Variants in PRDM1 observed in about 807,000 individuals in gnomAD.
PRDM1 encodes PR/SET domain 1.
A neutral mutation model predicts 62.8 loss-of-function variants in PRDM1; 13 were observed. That is an observed-to-expected ratio of 0.21 (90% CI 0.13 to 0.33). PRDM1 has a LOEUF of 0.33. Ranked by LOEUF, PRDM1 falls within the 10% of genes least tolerant of loss-of-function variation. The pLI, the probability that PRDM1 is intolerant of heterozygous loss-of-function variation, is 1.00. For synonymous variants in PRDM1, 396 were observed against 417.6 expected (o/e 0.95, Z 0.63); for missense variants, 895 against 1,058.8 (o/e 0.85, Z 2.15).
upstream of PRDM1, among the ~76,000 whole-genome samples, chr6:106,083,108 G>T (rs1353566882): frequency 6.6e-6 from 1 of 151,720 alleles, no homozygotes; most frequent in Non-Finnish European, 1.5e-5. Flanking sequence ...ATGTGGGAGG[G>T]CTTCAAAGCC....
chr6:106,051,332 A>G lies in PRDM1; in HGVS notation c.-67+2618A>G, dbSNP rs140154699. On this transcript the variant is annotated intron_variant, in intron 1 of 6. Coordinates refer to the PRDM1 transcript ENST00000651185. ...AGTGGGCTAGGTCTTCTGCCCCCGC[A>G]GACCCAGTCTTAGGGACTAAGCTTG... 4.6e-5 allele frequency among the ~76,000 whole-genome samples: 7 copies of G among 152,334 alleles called. No individual in the cohort carries two copies. The East Asian group carries it at 1.4e-3, about 29-fold the overall frequency.
rs1351129400 is a variant in PRDM1 at position 106,088,249 on chromosome 6, G to A, written c.91G>A (p.Glu31Lys). Reference sequence around the variant, plus strand: ...CACTGTGAGGTTTCAGGGATTGGCAGAGGGGACCAAGGGGACCATGAAAAT... The same window carrying A: ...CACTGTGAGGTTTCAGGGATTGGCAAAGGGGACCAAGGGGACCATGAAAAT... Reference protein sequence around the residue: ...SSTVRFQGLAEGTKGTMKMDM... With the variant: ...SSTVRFQGLAKGTKGTMKMDM... Residue 31 changes from glutamate to lysine, a missense_variant, in exon 2 of 7, where the codon GAG becomes AAG. This residue lies in a region of PRDM1 where 213 missense variants were observed against 283.9 expected (regional missense o/e 0.75). Transcript: ENST00000369096. 2 of 1,614,098 alleles carry A rather than the reference G, an allele frequency of 1.2e-6. No homozygotes were observed. The highest frequency in any genetic ancestry group is 1.7e-6 in the Non-Finnish European group (2 of 1,179,994).
chr6:106,080,202 T>A (rs1773672538), intron 1 of PRDM1, among the ~76,000 whole-genome samples: 1 of 152,192 alleles, frequency 6.6e-6, no homozygotes, highest in Non-Finnish European at 1.5e-5. Context: ...AGGCATGCAC[T>A]CCCCACACAT....
intron 1 of PRDM1, among the ~76,000 whole-genome samples, chr6:106,077,913 G>C (rs945376646): frequency 1.3e-5 from 2 of 152,238 alleles, no homozygotes; most frequent in Admixed American, 1.3e-4. Context: ...GGAGGAGAAG[G>C]CTTTGGGAGA....
intron 1 of PRDM1, among the ~76,000 whole-genome samples, chr6:106,054,342 A>G (rs1187032590): frequency 6.6e-6 from 1 of 151,766 alleles, no homozygotes; most frequent in Non-Finnish European, 1.5e-5. Flanking sequence ...TTTTGTGTGT[A>G]TACCTGGTGT....
chr6:106,009,879 G>A (rs1431849111), intron 1 of PRDM1, among the ~76,000 whole-genome samples: 3 of 152,056 alleles, frequency 2.0e-5, no homozygotes, highest in African/African-American at 4.8e-5. Flanking sequence ...CACCACGCCC[G>A]GCTAGTTTTT....
In PRDM1 at chr6:106,099,453, C is replaced by T. The variant is rs1339462545; in HGVS notation, c.565C>T (p.Pro189Ser). 1.2e-6 allele frequency: 2 copies of T among 1,614,092 alleles called. No individual in the cohort carries two copies. The highest frequency in any genetic ancestry group is 1.7e-6 in the Non-Finnish European group (2 of 1,180,044). ...GAACATCTACTTCTACACCATTAAG[C>T]CCATCCCTGCCAACCAGGAACTTCT... ...GMNIYFYTIKPIPANQELLVW... is the reference protein window; with the variant it reads ...GMNIYFYTIKSIPANQELLVW... The change falls in exon 4 of 7, where the codon CCC becomes TCC. Residue 189 changes from proline to serine, a missense_variant. Around this residue, in one of 4 missense-constraint regions of PRDM1, gnomAD observed 213 missense variants for 283.9 expected, o/e 0.75. Coordinates refer to ENST00000369096, the MANE Select transcript of PRDM1 (RefSeq NM_001198.4).
At chr6:106,070,239 C>A (rs1322834832) in intron 1 of PRDM1, among the ~76,000 whole-genome samples, 1 of 152,126 alleles carries the variant, frequency 6.6e-6, no homozygotes, top group African/African-American at 2.4e-5. Context: ...ATTTCAGATA[C>A]CCCCTTCTAA....
chr6:106,042,920 G>T (rs1272355323), intron 1 of PRDM1, among the ~76,000 whole-genome samples: 1 of 152,068 alleles, frequency 6.6e-6, no homozygotes, highest in Admixed American at 6.6e-5. Context: ...GCGCATTCTC[G>T]GCTCACCGCA....
rs767384683 is a variant in PRDM1, at chr6:106,088,314, T to C, written c.156T>C (p.Ala52=). ...EDADMTLWTE[A]EFEEKCTYIV... is the part of the protein sequence containing the mutation. ...CGGATATGACTCTGTGGACAGAGGC[T>C]GAGTTTGAAGAGAAGTGTACATACA... Residue 52 remains alanine, a synonymous_variant, in exon 2 of 7, where the codon GCT becomes GCC. Coordinates refer to ENST00000369096, the MANE Select transcript of PRDM1 (RefSeq NM_001198.4). 1.3e-5 allele frequency: 21 copies of C among 1,614,124 alleles called. No individual in the cohort carries two copies. The highest frequency in any genetic ancestry group is 1.7e-5 in the Non-Finnish European group (20 of 1,180,032).
intron 4 of PRDM1, among the ~76,000 whole-genome samples, chr6:106,102,183 A>C (rs1226585789): frequency 6.6e-6 from 1 of 152,216 alleles, no homozygotes; most frequent in Non-Finnish European, 1.5e-5. Context: ...CGGAGTCTTC[A>C]GAAGCAGTTC....
chr6:106,028,279 T>TATGTCTTGGACATCC (rs1396952104), intron 1 of PRDM1, among the ~76,000 whole-genome samples: 2 of 152,210 alleles, frequency 1.3e-5, no homozygotes, highest in African/African-American at 2.4e-5. Flanking sequence ...AATCCAAGAC[T>TATGTCTTGGACATCC]AAGGTTATGT....
chr6:106,099,575 A>C, intron 4 of PRDM1, 23 bp downstream of exon 4: 1 of 1,611,006 alleles, frequency 6.2e-7, no homozygotes, highest in Non-Finnish European at 8.5e-7. Flanking sequence ...CAGAACAAAA[A>C]AATAAAAAAT....
At chr6:106,095,435 G>C (rs1774087019) in intron 2 of PRDM1, among the ~76,000 whole-genome samples, 180 bp from the exon 3 acceptor site, 1 of 152,190 alleles carries the variant, frequency 6.6e-6, no homozygotes, top group Admixed American at 6.5e-5. Flanking sequence ...GACTTTAAAA[G>C]ATGGTCTCCC....
chr6:106,083,636 T>A (rs142780885), upstream of PRDM1, among the ~76,000 whole-genome samples: 292 of 152,350 alleles, frequency 1.9e-3, 6 homozygotes, highest in East Asian at 0.04. Context: ...TGAGAATTTC[T>A]GAGAACAGAA....
At chr6:106,041,067 G>A (rs541121646) in intron 1 of PRDM1, among the ~76,000 whole-genome samples, 1 of 152,140 alleles carries the variant, frequency 6.6e-6, no homozygotes. Flanking sequence ...AAGGTGGACC[G>A]CTTGGATTGG....
chr6:106,062,371 C>T (rs1285420525), intron 1 of PRDM1, among the ~76,000 whole-genome samples: 2 of 152,166 alleles, frequency 1.3e-5, no homozygotes, highest in Non-Finnish European at 2.9e-5. Context: ...GTAATCCCTT[C>T]ATGAGGCTAA....
rs373380140 is a variant in PRDM1 at position 106,106,504 on chromosome 6, G to A, written c.1902+5G>A. 136 of 1,613,908 alleles carry A rather than the reference G, an allele frequency of 8.4e-5. No individual in the cohort carries two copies. The highest frequency in any genetic ancestry group is 4.9e-4 in the East Asian group (22 of 44,890). On this transcript the variant is annotated splice_donor_5th_base_variant and intron_variant, in intron 6 of 6. Transcript: ENST00000369096. The surrounding 1 kb of genome is among the most constrained non-coding windows in gnomAD (Gnocchi z 4.4). The stretch of plus-strand genomic sequence containing the variant: ...GAAAAGCCACATGAATGCCAGGTGC[G>A]CAGTATTTTCTGGGTAGACCTTCTG...
chr6:106,019,311 TTATATGTTATTTTAATATGTTG>T (rs1336574654), intron 1 of PRDM1, among the ~76,000 whole-genome samples: 2 of 150,968 alleles, frequency 1.3e-5, no homozygotes, highest in African/African-American at 2.4e-5. Flanking sequence ...CTATATGATT[TTATATGTTATTTTAATATGTTG>T]TATATGTTAT....
Sources: gnomAD v4.1 joint callset for allele counts (sites outside exome capture counted in the v4.1 genomes callset) on GRCh38, gnomAD v4.1.1 for gene constraint, gnomAD v4.1.1 regional missense constraint, Gnocchi (gnomAD v3.1) non-coding constraint, MANE v1.5 for transcripts, NCBI Gene and HGNC (gene_info 2026-07-23, HGNC 2026-07-21) for gene names.